The following KIAA1958 variants were observed in gnomAD, a reference collection of about 807,000 sequenced individuals.
KIAA1958 encodes the protein KIAA1958.
A neutral mutation model predicts 47.2 loss-of-function variants in KIAA1958; 14 were observed. The ratio of observed to expected loss-of-function variants is 0.30; its 90% CI spans 0.20 to 0.46. The LOEUF is 0.46. Among genes scored for constraint, KIAA1958 ranks in the 20% least tolerant of loss-of-function variants. The pLI, the probability that KIAA1958 is intolerant of heterozygous loss-of-function variation, is 1.00. For synonymous variants in KIAA1958, 354 were observed against 353.3 expected, an observed-to-expected ratio of 1.00 and a Z score of -0.02; for missense variants, 803 against 909.2, an observed-to-expected ratio of 0.88 and a Z score of 1.50.
chr9:112,560,727 T>C (rs1409878501), intron 1 of KIAA1958, among the ~76,000 whole-genome samples: 1 of 152,104 alleles, frequency 6.6e-6, no homozygotes, highest in Non-Finnish European at 1.5e-5. Flanking sequence ...GTAGAAGTGG[T>C]TAGGGTAAGA....
intron 1 of KIAA1958, among the ~76,000 whole-genome samples, chr9:112,502,883 G>A (rs947120833): frequency 1.3e-5 from 2 of 152,226 alleles, no homozygotes; most frequent in African/African-American, 4.8e-5. Context: ...ATGTCCATCA[G>A]TAGGGGAATT....
At chr9:112,534,565 T>C (rs1402367488) in intron 1 of KIAA1958, among the ~76,000 whole-genome samples, 1 of 151,758 alleles carries the variant, frequency 6.6e-6, no homozygotes, top group Admixed American at 6.6e-5. Context: ...TTTTTTGAGA[T>C]GGAGTTTCGT....
At chr9:112,634,875 A>G (rs1163267159) in intron 2 of KIAA1958, among the ~76,000 whole-genome samples, 2 of 152,164 alleles carry the variant, frequency 1.3e-5, no homozygotes, top group African/African-American at 4.8e-5. Context: ...TAATTATCCC[A>G]TGGTCATAAA....
rs10981462 is a variant in KIAA1958 at position 112,636,101 on chromosome 9, T to C, written c.1172-9549T>C. Among the ~76,000 whole-genome samples, 1,664 of 148,416 alleles carry C rather than the reference T, an allele frequency of 0.011. 90 individuals are homozygous for C. In the East Asian group the frequency reaches 0.17, roughly 15 times the overall value. On this transcript the variant is annotated intron_variant, in intron 2 of 3. Coordinates refer to ENST00000337530, the MANE Select transcript of KIAA1958 (RefSeq NM_133465.4). ...TTTTTCTTTTACCAGAAAGAATTGT[T>C]TATTTTATATATATATATACTATAC... is the stretch of plus-strand genomic sequence containing the variant.
intron 1 of KIAA1958, among the ~76,000 whole-genome samples, chr9:112,502,611 C>A (rs1834162394): frequency 6.6e-6 from 1 of 152,094 alleles, no homozygotes; most frequent in African/African-American, 2.4e-5. Flanking sequence ...TATATTTATA[C>A]CAATTTATCT....
At position 112,513,483 on chromosome 9, in the gene KIAA1958, T is replaced by TGGCTTAGGGAGCCCGTCCGGCCAGGGG. The variant is rs1232113705; in HGVS notation, c.-25+26368_-25+26369insTTAGGGAGCCCGTCCGGCCAGGGGGGC. On this transcript the variant is annotated intron_variant, in intron 1 of 3. Coordinates refer to ENST00000337530, the MANE Select transcript of KIAA1958 (RefSeq NM_133465.4). ...CGAAGGCGCCGCGGGCTGGGGTCGG[T>TGGCTTAGGGAGCCCGTCCGGCCAGGGG]GGCCGCGGCTGGTGGTTGGCGCGGC... Among the ~76,000 whole-genome samples, 2 of 17,112 alleles carry TGGCTTAGGGAGCCCGTCCGGCCAGGGG rather than the reference T, an allele frequency of 1.2e-4. 1 individual carries two copies. The allele number at this position is 17,112 out of a possible 152,430, so 11.2% of individuals were successfully genotyped here. A position where few individuals can be genotyped will look rare whatever the true frequency, so the allele number is the denominator to read the frequency against.
At chr9:112,582,014 A>C (rs1490035931) in intron 2 of KIAA1958, 2 of 249,644 alleles carry the variant, frequency 8.0e-6, no homozygotes, top group Non-Finnish European at 1.7e-5. Flanking sequence ...GCAGTTGAGC[A>C]GCCCTATTAC....
chr9:112,604,871 A>G (rs2131203398), intron 2 of KIAA1958, among the ~76,000 whole-genome samples: 1 of 149,322 alleles, frequency 6.7e-6, no homozygotes, highest in East Asian at 1.9e-4. Context: ...AATTGACTTA[A>G]CAGGGCGTGG....
intron 2 of KIAA1958, among the ~76,000 whole-genome samples, chr9:112,623,207 T>C (rs1836541754): frequency 6.6e-6 from 1 of 152,214 alleles, no homozygotes; most frequent in African/African-American, 2.4e-5. Context: ...AGTGTACAGA[T>C]CTGTCATCAA....
At chr9:112,646,437 G>A (rs1051775068) in intron 3 of KIAA1958, among the ~76,000 whole-genome samples, 1 of 152,204 alleles carries the variant, frequency 6.6e-6, no homozygotes, top group Non-Finnish European at 1.5e-5. Flanking sequence ...TTAGACAAAA[G>A]GGAAACCACT....
chr9:112,505,674 C>A (rs1257841279), intron 1 of KIAA1958, among the ~76,000 whole-genome samples: 1 of 152,140 alleles, frequency 6.6e-6, no homozygotes, highest in Non-Finnish European at 1.5e-5. Context: ...AGATGGTTAT[C>A]AAATTTTGTT....
intron 1 of KIAA1958, among the ~76,000 whole-genome samples, chr9:112,514,789 A>T (rs7872514): frequency 1.7e-4 from 1 of 5,742 alleles, no homozygotes. Flanking sequence ...CAGCCGCCCC[A>T]TCCGGGAGGG....
In KIAA1958 at chr9:112,574,281, G is replaced by A; in HGVS notation, c.201G>A (p.Gly67=). The change falls in exon 2 of 4, where the codon GGG becomes GGA. Residue 67 remains glycine, a synonymous_variant. Coordinates refer to ENST00000337530, the MANE Select transcript of KIAA1958 (RefSeq NM_133465.4). ...HWPLTATCRA[G]SQERVCFQDN... is the part of the protein sequence containing the mutation. ...CACTAACAGCTACTTGCAGAGCTGG[G>A]TCCCAAGAGAGGGTCTGTTTCCAGG... 6.2e-7 allele frequency: 1 copy of A among 1,614,116 alleles called. No individual in the cohort carries two copies. The highest frequency in any genetic ancestry group is 8.5e-7 in the Non-Finnish European group (1 of 1,179,992).
chr9:112,536,312 C>T (rs1328873510), intron 1 of KIAA1958, among the ~76,000 whole-genome samples: 1 of 152,152 alleles, frequency 6.6e-6, no homozygotes, highest in Non-Finnish European at 1.5e-5. Context: ...AGGCCAAGAA[C>T]AGTGAAGGCA....
rs1482930157 is a variant in KIAA1958 at position 112,660,780 on chromosome 9, G to C, written c.*711G>C. 3 of 152,388 alleles carry C rather than the reference G, an allele frequency of 2.0e-5. No homozygotes were observed. The highest frequency in any genetic ancestry group is 3.9e-4 in the East Asian group (2 of 5,190). 9.4% of individuals were successfully genotyped at this position (152,388 alleles called of 1,614,324 possible). A position where few individuals can be genotyped will look rare whatever the true frequency, so the allele number is the denominator to read the frequency against. ...TGTCTGTGAGAACAAGGCTTCTAGT[G>C]AACTAGACAGTTTGTACCATGAGGG... is the stretch of plus-strand genomic sequence containing the variant. On this transcript the variant is annotated 3_prime_UTR_variant, in exon 4 of 4. Transcript: ENST00000337530.
At chr9:112,563,065 G>GTCTCTCTC (rs1554724186) in intron 1 of KIAA1958, among the ~76,000 whole-genome samples, 1,585 of 126,562 alleles carry the variant, frequency 0.013, 12 homozygotes, top group African/African-American at 0.021. Flanking sequence ...CTCTGTCTCT[G>GTCTCTCTC]TCTCTCTCTC....
rs188270557 is a variant in KIAA1958 at position 112,491,734 on chromosome 9, C to T, written c.-25+4616C>T. Reference sequence around the variant, plus strand: ...CTCTTTTTAATTCTAAATAATTATCCAAAGTTGCTTCCATTGCTTTCCCTT... The same window carrying T: ...CTCTTTTTAATTCTAAATAATTATCTAAAGTTGCTTCCATTGCTTTCCCTT... On this transcript the variant is annotated intron_variant, in intron 1 of 3. Transcript: ENST00000337530. Among the ~76,000 whole-genome samples, 453 of 152,084 alleles carry T rather than the reference C, an allele frequency of 3.0e-3. 4 individuals are homozygous for T. The highest frequency in any genetic ancestry group is 0.014 in the Middle Eastern group (4 of 294).
chr9:112,659,529 C>T lies in KIAA1958; in HGVS notation c.1611C>T (p.Asp537=), dbSNP rs368061700. 5.0e-6 allele frequency: 8 copies of T among 1,613,104 alleles called. No individual in the cohort carries two copies. The highest frequency in any genetic ancestry group is 2.2e-5 in the East Asian group (1 of 44,848). ...ACATCGTCTACTTCTCCCTTTCTGA[C>T]GAGGAGGAGATGTGGCAGGCAGGGT... The part of the protein sequence containing the change: ...SRNIVYFSLS[D]EEEMWQAGCL... Residue 537 remains aspartate, a synonymous_variant, in exon 4 of 4, where the codon GAC becomes GAT. Transcript: ENST00000337530.
At position 112,489,405 on chromosome 9, in the gene KIAA1958, T is replaced by C. The variant is rs184512156; in HGVS notation, c.-25+2287T>C. Among the ~76,000 whole-genome samples, 429 of 152,184 alleles carry C rather than the reference T, an allele frequency of 2.8e-3. 1 individual carries two copies. Among genetic ancestry groups the C allele is most frequent in the Middle Eastern group, 0.024 (7 of 292 alleles). ...CAAAGTTGTAGTTGTGCCTGTTTTC[T>C]GAGATCATCAATGTAGTCTTTATGT... On this transcript the variant is annotated intron_variant, in intron 1 of 3. Transcript: ENST00000337530.
Sources: allele counts gnomAD v4.1 joint callset (sites outside exome capture counted in the v4.1 genomes callset), GRCh38; gene constraint gnomAD v4.1.1; transcripts MANE v1.5; gene names NCBI Gene and HGNC (gene_info 2026-07-23, HGNC 2026-07-21).